The following PENK variants were observed in gnomAD, a reference collection of about 807,000 sequenced individuals.
The protein encoded by PENK is proenkephalin-A.
A neutral mutation model predicts 24.1 loss-of-function variants in PENK; 25 were observed. The observed-to-expected ratio is 1.04, with a 90% confidence interval of 0.76 to 1.45. PENK has a LOEUF of 1.45. PENK is among the 40% of genes most tolerant of loss of function. The pLI, the probability that PENK is intolerant of heterozygous loss-of-function variation, is 0.00. For synonymous variants in PENK, 135 were observed against 130.3 expected (o/e 1.04, Z -0.24); for missense variants, 353 against 337.9 (o/e 1.04, Z -0.35).
In PENK at chr8:56,441,486, G is replaced by C; in HGVS notation, c.590C>G (p.Pro197Arg). 6.2e-7 allele frequency: 1 copy of C among 1,612,422 alleles called. No individual in the cohort carries two copies. Among genetic ancestry groups the C allele is most frequent in the Non-Finnish European group, 8.5e-7 (1 of 1,179,652 alleles). ...GGFMRGLKRS[P>R]QLEDEAKELQ... ...CTCTTTGGCTTCATCTTCCAGTTGG[G>C]GGCTTCTCTTTAAGCCTCTCATGAA... Residue 197 changes from proline to arginine, a missense_variant, in exon 4 of 4, where the codon CCC (proline) becomes CGC (arginine). Coordinates refer to ENST00000451791, the MANE Select transcript of PENK (RefSeq NM_001135690.3).
chr8:56,446,178 G>A, intron 2 of PENK: 1 of 551,470 alleles, frequency 1.8e-6, no homozygotes, highest in Admixed American at 3.1e-5. Flanking sequence ...CGCCCCCAAC[G>A]CGAGGCTGCC....
At position 56,445,964 on chromosome 8, in the gene PENK, G is replaced by A. The variant is rs1804654734; in HGVS notation, c.-3-8C>T. On this transcript the variant is annotated splice_polypyrimidine_tract_variant and splice_region_variant and intron_variant, in intron 2 of 3. Coordinates refer to ENST00000451791, the MANE Select transcript of PENK (RefSeq NM_001135690.3). Reference sequence around the variant, plus strand: ...CAGGAACCGCGCCATGGACTGCGAGGAGAGAGGGACGCGTGCTTCGAGCCT... The same window carrying A: ...CAGGAACCGCGCCATGGACTGCGAGAAGAGAGGGACGCGTGCTTCGAGCCT... 6.3e-7 allele frequency: 1 copy of A among 1,593,952 alleles called. No individual in the cohort carries two copies. Among genetic ancestry groups the A allele is most frequent in the Non-Finnish European group, 8.6e-7 (1 of 1,168,586 alleles).
intron 3 of PENK, chr8:56,443,912 C>CTATTATCATTA (rs1242543080): frequency 2.9e-5 from 20 of 691,466 alleles, no homozygotes; most frequent in Non-Finnish European, 5.3e-5. Context: ...CATTCCATCA[C>CTATTATCATTA]CTGGATTAAA....
rs145219051 is a variant in PENK, at chr8:56,441,713, C to T, written c.363G>A (p.Glu121=). 32 of 1,613,662 alleles carry T rather than the reference C, an allele frequency of 2.0e-5. No individual in the cohort carries two copies. In the Middle Eastern group the frequency reaches 4.9e-4, roughly 25 times the overall value. The change falls in exon 4 of 4, where the codon GAG becomes GAA. Residue 121 remains glutamate, a synonymous_variant. Coordinates refer to ENST00000451791, the MANE Select transcript of PENK (RefSeq NM_001135690.3). Reference sequence around the variant, plus strand: ...CACTTCCATTGGCCTCTTCTTCTGGCTCCATGGGATAAAGCTCATCCATTT... The same window carrying T: ...CACTTCCATTGGCCTCTTCTTCTGGTTCCATGGGATAAAGCTCATCCATTT... ...MKKMDELYPM[E]PEEEANGSEI...
chr8:56,441,605 T>G lies in PENK; in HGVS notation c.471A>C (p.Leu157=), dbSNP rs188937673. ...TGTCCCCTGTTTCCAGAAGCTCTTT[T>G]AGCAGGTCTGAGGAATTGGCCAGCG... ...DDSLANSSDL[L]KELLETGDNR... Residue 157 remains leucine (L), a synonymous_variant, in exon 4 of 4, where the codon CTA becomes CTC. Transcript: ENST00000451791. 18 of 1,614,110 alleles carry G rather than the reference T, an allele frequency of 1.1e-5. No homozygotes were observed. The East Asian group carries it at 3.3e-4, about 30-fold the overall frequency.
At chr8:56,445,470 C>T in intron 3 of PENK, 1 of 504,906 alleles carries the variant, frequency 2.0e-6, no homozygotes, top group Non-Finnish European at 3.5e-6. Context: ...CATCTTCCTT[C>T]TGACAGCCCA....
intron 2 of PENK, 23 bp from the exon 3 acceptor site, chr8:56,445,979 G>C: frequency 6.4e-7 from 1 of 1,560,006 alleles, no homozygotes; most frequent in Non-Finnish European, 8.7e-7. Context: ...AGGGACGCGT[G>C]CTTCGAGCCT....
rs960037565 is a variant in PENK, at chr8:56,441,012, T to C, written c.*260A>G. 13 of 382,028 alleles carry C rather than the reference T, an allele frequency of 3.4e-5. No individual in the cohort carries two copies. The South Asian group carries it at 9.0e-4, about 27-fold the overall frequency. The allele number at this position is 382,028 out of a possible 1,614,324, so 23.7% of individuals were successfully genotyped here. A position where few individuals can be genotyped will look rare whatever the true frequency, so the allele number is the denominator to read the frequency against. ...ATATACAAGTAAGCATTTATTGATG[T>C]TTGTCAAAAATAAGAGACAAGATAA... On this transcript the variant is annotated 3_prime_UTR_variant, in exon 4 of 4. Transcript: ENST00000451791.
chr8:56,441,836 G>A lies in PENK; in HGVS notation c.240C>T (p.Gly80=). 3.1e-6 allele frequency: 5 copies of A among 1,614,132 alleles called. No homozygotes were observed. In the South Asian group the frequency reaches 5.5e-5, roughly 18 times the overall value. The change falls in exon 4 of 4, where the codon GGC becomes GGT. Residue 80 remains glycine (G), a synonymous_variant. Coordinates refer to ENST00000451791, the MANE Select transcript of PENK (RefSeq NM_001135690.3). ...TGCTATTTTCTCTGAGGGTGCTGGTGCCATCTTGAGGAAGCTCTGGTTTGG... is the reference window on the plus strand; with the variant it reads ...TGCTATTTTCTCTGAGGGTGCTGGTACCATCTTGAGGAAGCTCTGGTTTGG... The part of the protein sequence containing the change: ...QLSKPELPQD[G]TSTLRENSKP...
chr8:56,442,586 T>TA (rs1372706824), intron 3 of PENK, among the ~76,000 whole-genome samples: 3 of 143,554 alleles, frequency 2.1e-5, no homozygotes, highest in African/African-American at 7.4e-5. Context: ...TAATTTGTTG[T>TA]AAGTACAGAT....
At chr8:56,445,589 C>T (rs561715189) in intron 3 of PENK, 6 of 636,814 alleles carry the variant, frequency 9.4e-6, no homozygotes, top group Non-Finnish European at 1.4e-5. Flanking sequence ...CTACCCTTAC[C>T]GGTCCCCAGA....
chr8:56,444,873 A>G (rs12550533), intron 3 of PENK, among the ~76,000 whole-genome samples: 37,019 of 152,160 alleles, frequency 0.24, 4,949 homozygotes, highest in Admixed American at 0.33. Flanking sequence ...AATTTCAACA[A>G]ATTTCAAAAG....
chr8:56,445,948 C>T lies in PENK; in HGVS notation c.6G>A (p.Ala2=). The change falls in exon 3 of 4, where the codon GCG becomes GCA. Residue 2 remains alanine, a synonymous_variant. Transcript: ENST00000451791. M[A]RFLTLCTWLL... The stretch of plus-strand genomic sequence containing the variant: ...GCCAAGTGCAAAGTGTCAGGAACCG[C>T]GCCATGGACTGCGAGGAGAGAGGGA... 2 of 1,605,618 alleles carry T rather than the reference C, an allele frequency of 1.2e-6. No homozygotes were observed. Among genetic ancestry groups the T allele is most frequent in the East Asian group, 2.2e-5 (1 of 44,676 alleles).
Position 56,443,603 on chromosome 8 carries a change from T to C in PENK, c.139-1666A>G, listed in dbSNP as rs1804597400. On this transcript the variant is annotated intron_variant, in intron 3 of 3. Transcript: ENST00000451791. ...ATCTCTGCATCCACCACAGTACCAA[T>C]CATAAGTGTCTTTCTCATGGTAGAA... 6 of 220,838 alleles carry C rather than the reference T, an allele frequency of 2.7e-5. No individual in the cohort carries two copies. In the South Asian group the frequency reaches 4.5e-4, roughly 17 times the overall value. 13.7% of individuals were successfully genotyped at this position (220,838 alleles called of 1,614,324 possible).
At chr8:56,443,664 T>A in intron 3 of PENK, 2 of 310,370 alleles carry the variant, frequency 6.4e-6, no homozygotes, top group Non-Finnish European at 1.2e-5. Context: ...TTTCACTACA[T>A]AATTTTGGCT....
In PENK at chr8:56,441,666, C is replaced by G. The variant is rs755069346; in HGVS notation, c.410G>C (p.Gly137Ala). Reference sequence around the variant, plus strand: ...CTCTGCATCCTTCTTCATGAAGCCCCCATACCGCTTGGCGAGGATCTCACT... The same window carrying G: ...CTCTGCATCCTTCTTCATGAAGCCCGCATACCGCTTGGCGAGGATCTCACT... ...NGSEILAKRYGGFMKKDAEED... is the reference protein window; with the variant it reads ...NGSEILAKRYAGFMKKDAEED... Residue 137 changes from glycine (G) to alanine (A), a missense_variant, in exon 4 of 4, where the codon GGG (glycine) becomes GCG (alanine). Transcript: ENST00000451791. 18 of 1,614,114 alleles carry G rather than the reference C, an allele frequency of 1.1e-5. No individual in the cohort carries two copies. Among genetic ancestry groups the G allele is most frequent in the Middle Eastern group, 1.6e-4 (1 of 6,062 alleles).
intron 2 of PENK, 110 bp from the exon 3 acceptor site, chr8:56,446,066 C>G (rs1311664030): frequency 2.4e-6 from 3 of 1,258,104 alleles, no homozygotes; most frequent in Non-Finnish European, 3.3e-6. Context: ...AGCAAAAGCC[C>G]GCAGGAATGC....
intron 3 of PENK, among the ~76,000 whole-genome samples, chr8:56,442,838 A>C (rs945570202): frequency 2.0e-5 from 3 of 151,726 alleles, no homozygotes; most frequent in African/African-American, 7.3e-5. Context: ...TATAAATATT[A>C]AATATAAAAT....
Position 56,441,844 on chromosome 8 carries a change from G to C in PENK, c.232C>G (p.Gln78Glu), listed in dbSNP as rs1330503030. 3 of 1,614,036 alleles carry C rather than the reference G, an allele frequency of 1.9e-6. No homozygotes were observed. The highest frequency in any genetic ancestry group is 2.5e-6 in the Non-Finnish European group (3 of 1,180,028). ...LLQLSKPELP[Q>E]DGTSTLRENS... Reference sequence around the variant, plus strand: ...TCTCTGAGGGTGCTGGTGCCATCTTGAGGAAGCTCTGGTTTGGACAGCTGC... The same window carrying C: ...TCTCTGAGGGTGCTGGTGCCATCTTCAGGAAGCTCTGGTTTGGACAGCTGC... The change falls in exon 4 of 4, where the codon CAA becomes GAA. Residue 78 changes from glutamine (Q) to glutamate (E), a missense_variant. Physicochemically the swap from Gln to Glu is conservative, Grantham distance 29. Coordinates refer to ENST00000451791, the MANE Select transcript of PENK (RefSeq NM_001135690.3).
Sources: gnomAD v4.1 joint callset for allele counts (sites outside exome capture counted in the v4.1 genomes callset) on GRCh38, gnomAD v4.1.1 for gene constraint, MANE v1.5 for transcripts, NCBI Gene and HGNC (gene_info 2026-07-23, HGNC 2026-07-21) for gene names.